Variants in MED30 observed in about 807,000 individuals in gnomAD.
MED30 encodes the protein mediator complex subunit 30.
In MED30, 8 loss-of-function variants were observed where a neutral mutation model predicts 21.7. The observed-to-expected ratio is 0.37, with a 90% CI of 0.22 to 0.67. MED30 has a LOEUF of 0.67. Among genes scored for constraint, MED30 ranks in the 30% least tolerant of loss-of-function variants. The probability of loss-of-function intolerance (pLI) is 0.58; values close to 1 mark genes in which losing one functional copy is unlikely to be tolerated. For missense variants in MED30, 203 were observed against 228.2 expected, an observed-to-expected ratio of 0.89 and a Z score of 0.71; for synonymous variants, 79 against 86.7, an observed-to-expected ratio of 0.91 and a Z score of 0.49.
At position 117,535,307 on chromosome 8, in the gene MED30, C is replaced by T. The variant is rs192258214; in HGVS notation, c.441+4480C>T. 7.7e-3 allele frequency among the ~76,000 whole-genome samples: 1,143 copies of T among 148,072 alleles called. 19 individuals are homozygous for T. Among genetic ancestry groups the T allele is most frequent in the African/African-American group, 0.026 (1,035 of 39,926 alleles). ...TCACCCAGGCTGGAGTGCAGTGGCA[C>T]GATCTCGGCTCACTGGGTTCAAGCA... is the stretch of plus-strand genomic sequence containing the variant. On this transcript the variant is annotated intron_variant, in intron 3 of 3. Transcript: ENST00000297347.
At chr8:117,534,830 T>C (rs1295068458) in intron 3 of MED30, among the ~76,000 whole-genome samples, 1 of 139,578 alleles carries the variant, frequency 7.2e-6, no homozygotes, top group African/African-American at 2.7e-5. Flanking sequence ...TAAAATTAAC[T>C]GCTAAAAGGC....
intron 3 of MED30, among the ~76,000 whole-genome samples, chr8:117,534,460 T>C (rs1462499577): frequency 6.6e-6 from 1 of 152,230 alleles, no homozygotes; most frequent in Non-Finnish European, 1.5e-5. Context: ...TTAAATGACT[T>C]GGATCTGTTC....
intron 3 of MED30, among the ~76,000 whole-genome samples, chr8:117,539,065 T>C (rs796660586): frequency 2.6e-4 from 40 of 152,378 alleles, no homozygotes; most frequent in African/African-American, 8.7e-4. Context: ...ACAATTCTAA[T>C]ACTTGACATG....
At chr8:117,536,569 G>T (rs1818881476) in intron 3 of MED30, among the ~76,000 whole-genome samples, 1 of 152,176 alleles carries the variant, frequency 6.6e-6, no homozygotes, top group South Asian at 2.1e-4. Context: ...GTTATGGTCT[G>T]TCTGGTTTCT....
At chr8:117,527,636 C>CTTTTTTTTTTTT (rs3040826) in intron 1 of MED30, among the ~76,000 whole-genome samples, 73 of 127,520 alleles carry the variant, frequency 5.7e-4, no homozygotes, top group Non-Finnish European at 8.1e-4. Context: ...TTTTTTCTTT[C>CTTTTTTTTTTTT]TTTTTTTTTT....
chr8:117,527,636 C>CTTTTTTTTTTTTTTTT (rs3040826), intron 1 of MED30, among the ~76,000 whole-genome samples: 5 of 127,592 alleles, frequency 3.9e-5, no homozygotes, highest in Non-Finnish European at 8.3e-5. Context: ...TTTTTTCTTT[C>CTTTTTTTTTTTTTTTT]TTTTTTTTTT....
At position 117,520,800 on chromosome 8, in the gene MED30, C is replaced by T. The variant is rs1216923443; in HGVS notation, c.-77C>T. ...CTCAAGCTGGTTCCAACGCTGAGGC[C>T]CCACAGCCTCCCAATTCCGGGCAGA... On this transcript the variant is annotated 5_prime_UTR_variant, in exon 1 of 4. Coordinates refer to ENST00000297347, the MANE Select transcript of MED30 (RefSeq NM_080651.4). The T allele has an allele frequency of 3.6e-6, 5 of 1,406,402 alleles. No individual in the cohort carries two copies. The highest frequency in any genetic ancestry group is 1.5e-5 in the African/African-American group (1 of 67,962). The allele number at this position is 1,406,402 out of a possible 1,614,324, so 87.1% of individuals were successfully genotyped here. A position where few individuals can be genotyped will look rare whatever the true frequency, so the allele number is the denominator to read the frequency against.
intron 3 of MED30, among the ~76,000 whole-genome samples, chr8:117,531,863 G>T (rs918806440): frequency 1.3e-5 from 2 of 151,978 alleles, no homozygotes; most frequent in African/African-American, 4.8e-5. Flanking sequence ...ACAAATGACA[G>T]TTGGGAAACA....
At position 117,540,216 on chromosome 8, in the gene MED30, ATAAT is replaced by A. The variant is rs1818956024; in HGVS notation, c.*240_*243del. 3.9e-6 allele frequency: 1 copy of A among 256,198 alleles called. No individual in the cohort carries two copies. Among genetic ancestry groups the A allele is most frequent in the African/African-American group, 2.3e-5 (1 of 44,396 alleles). 15.9% of individuals were successfully genotyped at this position (256,198 alleles called of 1,614,324 possible). A position where few individuals can be genotyped will look rare whatever the true frequency, so the allele number is the denominator to read the frequency against. Reference sequence around the variant, plus strand: ...ATTTTGGTTAATCTTCATGAATTGAATAATTGTTTTTTTAAAGCAAAATAAAGTT... The same window carrying A: ...ATTTTGGTTAATCTTCATGAATTGAATGTTTTTTTAAAGCAAAATAAAGTT... On this transcript the variant is annotated 3_prime_UTR_variant, in exon 4 of 4. Transcript: ENST00000297347.
intron 2 of MED30, among the ~76,000 whole-genome samples, chr8:117,529,608 A>G (rs1224929376): frequency 6.6e-6 from 1 of 151,970 alleles, no homozygotes; most frequent in Non-Finnish European, 1.5e-5. Flanking sequence ...TAAACAGGAA[A>G]TAAGAAGCTG....
At chr8:117,533,234 C>A (rs1026806508) in intron 3 of MED30, among the ~76,000 whole-genome samples, 1 of 151,644 alleles carries the variant, frequency 6.6e-6, no homozygotes. Flanking sequence ...AATAACATGT[C>A]TTTGACTTTT....
At chr8:117,530,643 A>G (rs1201408043) in intron 2 of MED30, 80 bp from the exon 3 acceptor site, 10 of 903,708 alleles carry the variant, frequency 1.1e-5, no homozygotes, top group South Asian at 5.4e-5. Context: ...AATTGACCTT[A>G]ATCTGATATA....
intron 1 of MED30, among the ~76,000 whole-genome samples, chr8:117,525,138 C>T (rs897752128): frequency 2.0e-5 from 3 of 151,978 alleles, no homozygotes; most frequent in African/African-American, 7.3e-5. Flanking sequence ...TTGTCCTCCA[C>T]AGAGATTGAA....
chr8:117,535,816 C>G (rs1443370503), intron 3 of MED30, among the ~76,000 whole-genome samples: 5 of 151,852 alleles, frequency 3.3e-5, no homozygotes, highest in Admixed American at 6.6e-5. Flanking sequence ...TTCACGGAAT[C>G]TTAGCTGGTA....
At chr8:117,524,325 T>A (rs1446212232) in intron 1 of MED30, among the ~76,000 whole-genome samples, 3 of 152,222 alleles carry the variant, frequency 2.0e-5, no homozygotes, top group Non-Finnish European at 4.4e-5. Context: ...TCGTCTGTAT[T>A]ATTGATCTAC....
chr8:117,527,405 T>C (rs930653373), intron 1 of MED30, among the ~76,000 whole-genome samples: 4 of 151,914 alleles, frequency 2.6e-5, no homozygotes, highest in African/African-American at 9.7e-5. Flanking sequence ...ATATCACACT[T>C]CAAATAATTT....
In MED30 at chr8:117,530,778, C is replaced by T; in HGVS notation, c.392C>T (p.Pro131Leu). The T allele has an allele frequency of 1.2e-6, 2 of 1,612,248 alleles. No individual in the cohort carries two copies. Among genetic ancestry groups the T allele is most frequent in the South Asian group, 2.2e-5 (2 of 90,922 alleles). ...DGSKNDDRAG[P>L]PRFASEERRE... ...TCAAAGAATGATGATCGGGCTGGCC[C>T]ACCTCGTTTTGCTAGTGAAGAGAGG... Residue 131 changes from proline (P) to leucine (L), a missense_variant, in exon 3 of 4, where the codon CCA (proline) becomes CTA (leucine). Coordinates refer to ENST00000297347, the MANE Select transcript of MED30 (RefSeq NM_080651.4).
At chr8:117,523,313 A>G in intron 1 of MED30, 1 of 1,383,588 alleles carries the variant, frequency 7.2e-7, no homozygotes, top group Non-Finnish European at 1.0e-6. Flanking sequence ...CTAAACTGGA[A>G]TTCGGTTGTT....
At chr8:117,526,772 T>A (rs1312882281) in intron 1 of MED30, among the ~76,000 whole-genome samples, 1 of 152,074 alleles carries the variant, frequency 6.6e-6, no homozygotes, top group Non-Finnish European at 1.5e-5. Flanking sequence ...TTTAATGATT[T>A]AGTAAGTTAA....
Sources: allele counts gnomAD v4.1 joint callset (sites outside exome capture counted in the v4.1 genomes callset), GRCh38; gene constraint gnomAD v4.1.1; transcripts MANE v1.5; gene names NCBI Gene and HGNC (gene_info 2026-07-23, HGNC 2026-07-21).